BEND7: variants seen among roughly 807,000 people sequenced by gnomAD.
BEND7 encodes the protein BEN domain-containing protein 7.
BEND7 carries 28 observed loss-of-function variants against 50.9 expected under a neutral mutation model. That is an observed-to-expected ratio of 0.55 (90% CI 0.41 to 0.75). BEND7 has a LOEUF of 0.75. Ranked by LOEUF, BEND7 falls within the 30% of genes least tolerant of loss-of-function variation. BEND7 has a pLI of 0.00. For synonymous variants in BEND7, 170 were observed against 183.9 expected (o/e 0.92, Z 0.61); for missense variants, 477 against 491.3 (o/e 0.97, Z 0.28).
chr10:13,480,997 T>G lies in BEND7; in HGVS notation c.965A>C (p.Asp322Ala), dbSNP rs2075815485. The G allele has an allele frequency of 6.2e-7, 1 of 1,614,062 alleles. No individual in the cohort carries two copies. Among genetic ancestry groups the G allele is most frequent in the African/African-American group, 1.3e-5 (1 of 74,922 alleles). Residue 322 changes from aspartate (D) to alanine (A), a missense_variant, in exon 6 of 9, where the codon GAC becomes GCC. By Grantham distance (126) the Asp-to-Ala change is moderately radical. Transcript: ENST00000466271. ...FRKLVCAFFD[D>A]KTLANSLPNG... ...GGGTAAGGAGTTAGCCAAAGTCTTG[T>G]CATCAAAAAACGCACACACCAGTTT...
In BEND7 at chr10:13,519,342, G is replaced by T. The variant is rs568746923; in HGVS notation, c.145+6796C>A. On this transcript the variant is annotated intron_variant, in intron 2 of 8. Transcript: ENST00000466271. ...TACAAAAAAATTAGCCGGGTGTGGT[G>T]GCGGGCACCTGTAGTCCCAGCTACT... 1.1e-4 allele frequency among the ~76,000 whole-genome samples: 16 copies of T among 152,288 alleles called. No individual in the cohort carries two copies. The South Asian group carries it at 2.5e-3, about 24-fold the overall frequency.
chr10:13,498,486 T>C (rs1414447015), intron 3 of BEND7, among the ~76,000 whole-genome samples: 1 of 152,234 alleles, frequency 6.6e-6, no homozygotes, highest in African/African-American at 2.4e-5. Context: ...CTGTCCCTAC[T>C]GTATACTGGG....
chr10:13,445,009 G>C (rs1004344302), intron 8 of BEND7: 2 of 136,076 alleles, frequency 1.5e-5, no homozygotes, highest in East Asian at 3.9e-4. Context: ...AGTAGAGACG[G>C]GGGTTTCACC....
intron 6 of BEND7, among the ~76,000 whole-genome samples, chr10:13,463,780 T>A (rs1244476505): frequency 6.6e-6 from 1 of 152,180 alleles, no homozygotes; most frequent in Non-Finnish European, 1.5e-5. Flanking sequence ...GTAGGCAACG[T>A]CTTCACAACT....
intron 6 of BEND7, among the ~76,000 whole-genome samples, chr10:13,476,636 A>T (rs1367006415): frequency 6.6e-6 from 1 of 152,228 alleles, no homozygotes. Context: ...AGACAACTCT[A>T]ACCACGTTAA....
chr10:13,525,611 T>C (rs1352286057), intron 2 of BEND7, among the ~76,000 whole-genome samples: 1 of 152,224 alleles, frequency 6.6e-6, no homozygotes, highest in Admixed American at 6.5e-5. Flanking sequence ...ATTTTCCTTA[T>C]GCTTTTTGAC....
Position 13,516,291 on chromosome 10 carries a change from G to A in BEND7, c.145+9847C>T, listed in dbSNP as rs572126892. Among the ~76,000 whole-genome samples, 7 of 152,316 alleles carry A rather than the reference G, an allele frequency of 4.6e-5. No individual in the cohort carries two copies. The East Asian group carries it at 1.2e-3, about 25-fold the overall frequency. ...GAGCACATGCCAGGGCCCTGGTGTT[G>A]CAAGATTCCAGGGGTGCTGTCCCTT... On this transcript the variant is annotated intron_variant, in intron 2 of 8. Coordinates refer to ENST00000466271, the MANE Select transcript of BEND7 (RefSeq NM_001369863.1).
At chr10:13,498,211 G>A (rs1447585699) in intron 3 of BEND7, among the ~76,000 whole-genome samples, 1 of 151,690 alleles carries the variant, frequency 6.6e-6, no homozygotes, top group Non-Finnish European at 1.5e-5. Flanking sequence ...AAGTAGCTGG[G>A]ACTACATGCA....
At chr10:13,479,373 A>G (rs1032192645) in intron 6 of BEND7, among the ~76,000 whole-genome samples, 2 of 152,118 alleles carry the variant, frequency 1.3e-5, no homozygotes, top group African/African-American at 2.4e-5. Flanking sequence ...AGAAACCCAC[A>G]TCGATCCACT....
At chr10:13,483,552 T>C (rs2076013079) in intron 5 of BEND7, among the ~76,000 whole-genome samples, 1 of 152,182 alleles carries the variant, frequency 6.6e-6, no homozygotes, top group African/African-American at 2.4e-5. Flanking sequence ...ATAAAGAAAG[T>C]GGGTTTGAAA....
At chr10:13,495,488 C>T (rs1181743457) in intron 4 of BEND7, among the ~76,000 whole-genome samples, 1 of 152,072 alleles carries the variant, frequency 6.6e-6, no homozygotes, top group Admixed American at 6.5e-5. Flanking sequence ...ATGGAGAAAC[C>T]CCATCTCTAC....
At chr10:13,483,262 ACCCC>A (rs1324428795) in intron 5 of BEND7, among the ~76,000 whole-genome samples, 1 of 152,078 alleles carries the variant, frequency 6.6e-6, no homozygotes, top group African/African-American at 2.4e-5. Context: ...GTGAACATGG[ACCCC>A]AGTTTGAAAA....
At chr10:13,529,484 G>A (rs574428820), upstream of BEND7, among the ~76,000 whole-genome samples, 6 of 152,274 alleles carry the variant, frequency 3.9e-5, no homozygotes, top group Admixed American at 2.6e-4. Context: ...ATATTGTGGA[G>A]AAGAATATAG....
downstream of BEND7, chr10:13,439,132 A>C: frequency 6.7e-7 from 1 of 1,499,890 alleles, no homozygotes; most frequent in Non-Finnish European, 9.0e-7. Flanking sequence ...TCCAGTGGAA[A>C]GATGGGTGAT....
rs145639182 is a variant in BEND7 at position 13,467,517 on chromosome 10, A to G, written c.1063+13382T>C. On this transcript the variant is annotated intron_variant, in intron 6 of 8. Coordinates refer to ENST00000466271, the MANE Select transcript of BEND7 (RefSeq NM_001369863.1). ...TCTCTTTGATATTTAACAATGATCAATGCTTTCACAGCCCCATTAAATACA... is the reference window on the plus strand; with the variant it reads ...TCTCTTTGATATTTAACAATGATCAGTGCTTTCACAGCCCCATTAAATACA... 5.7e-4 allele frequency among the ~76,000 whole-genome samples: 87 copies of G among 152,332 alleles called. 2 individuals are homozygous for G. The South Asian group carries it at 0.01, about 18-fold the overall frequency.
At chr10:13,490,693 A>G (rs2076590597) in intron 5 of BEND7, among the ~76,000 whole-genome samples, 1 of 152,234 alleles carries the variant, frequency 6.6e-6, no homozygotes, top group African/African-American at 2.4e-5. Flanking sequence ...TAAAGGCTGA[A>G]GGCCTCACCT....
At chr10:13,495,179 A>C (rs568455238) in intron 4 of BEND7, among the ~76,000 whole-genome samples, 1 of 152,364 alleles carries the variant, frequency 6.6e-6, no homozygotes, top group East Asian at 1.9e-4. Context: ...AGTGCTAACA[A>C]ATTCCTCCTC....
At chr10:13,448,972 CAAAAAAAAAA>C (rs35336154) in intron 7 of BEND7, among the ~76,000 whole-genome samples, 1 of 56,674 alleles carries the variant, frequency 1.8e-5, no homozygotes, top group African/African-American at 6.4e-5. Flanking sequence ...GACTCCATCT[CAAAAAAAAAA>C]AAAAAAAAAG....
chr10:13,526,551 G>C (rs1284289226), intron 1 of BEND7, among the ~76,000 whole-genome samples: 2 of 152,158 alleles, frequency 1.3e-5, no homozygotes, highest in African/African-American at 4.8e-5. Flanking sequence ...TCATAGAGCA[G>C]GGGAGGTTTC....
Sources: allele counts gnomAD v4.1 joint callset (sites outside exome capture counted in the v4.1 genomes callset), GRCh38; gene constraint gnomAD v4.1.1; transcripts MANE v1.5; gene names NCBI Gene and HGNC (gene_info 2026-07-23, HGNC 2026-07-21).